Variants in S100A13 observed in about 807,000 individuals in gnomAD.
S100A13 encodes S100 calcium binding protein A13.
In S100A13, 6 loss-of-function variants were observed where a neutral mutation model predicts 8.2. That is an observed-to-expected ratio of 0.73 (90% CI 0.40 to 1.44). The LOEUF (loss-of-function observed/expected upper bound fraction) is 1.44, where lower values mean the gene tolerates loss of function less well. Among genes scored for constraint, S100A13 ranks in the 40% most tolerant of loss-of-function variants. The pLI is 0.02. For missense variants in S100A13, 114 were observed against 113.6 expected, an observed-to-expected ratio of 1.00 and a Z score of -0.02; for synonymous variants, 39 against 45.9, an observed-to-expected ratio of 0.85 and a Z score of 0.61.
chr1:153,631,791 G>A (rs1159049303), upstream of S100A13: 2 of 1,614,168 alleles, frequency 1.2e-6, no homozygotes, highest in Non-Finnish European at 1.7e-6. Context: ...TGTGGTGCTT[G>A]TGGCTGCTCT....
At chr1:153,631,548 A>C, upstream of S100A13, 2 of 1,613,928 alleles carry the variant, frequency 1.2e-6, no homozygotes, top group African/African-American at 1.3e-5. Context: ...AGAAGCCCTC[A>C]AGACCTTTGA....
At chr1:153,633,450 G>A (rs1381706671), upstream of S100A13, among the ~76,000 whole-genome samples, 3 of 148,002 alleles carry the variant, frequency 2.0e-5, no homozygotes, top group Non-Finnish European at 4.5e-5. Context: ...ACATGGAAAC[G>A]CAATCGAGGA....
chr1:153,631,924 A>T, upstream of S100A13: 2 of 1,534,274 alleles, frequency 1.3e-6, no homozygotes. Flanking sequence ...CACCCCACTT[A>T]TCCCTCTCCA....
At chr1:153,633,368 CAG>C (rs1177515230), upstream of S100A13, among the ~76,000 whole-genome samples, 2 of 151,948 alleles carry the variant, frequency 1.3e-5, no homozygotes, top group Non-Finnish European at 2.9e-5. Context: ...AACAACAAAT[CAG>C]AGAGAGAAAA....
At chr1:153,620,457 TAAAAAAAAAAA>T (rs753773428) in intron 2 of S100A13, among the ~76,000 whole-genome samples, 1 of 88,020 alleles carries the variant, frequency 1.1e-5, no homozygotes, top group African/African-American at 4.2e-5. Context: ...TGAGACTATC[TAAAAAAAAAAA>T]AAAAAAGAGC....
At chr1:153,631,150 G>A (rs763043578), upstream of S100A13, 21 of 333,714 alleles carry the variant, frequency 6.3e-5, no homozygotes, top group Non-Finnish European at 9.3e-5. Context: ...AGAATGTGGA[G>A]CATGTCAGTA....
At chr1:153,627,816 G>T (rs1196828524), upstream of S100A13, 13 of 536,256 alleles carry the variant, frequency 2.4e-5, no homozygotes, top group African/African-American at 3.8e-5. Context: ...GCTGAGGGGG[G>T]AAGAGGGAGG....
At chr1:153,626,286 T>C (rs765128991) in intron 2 of S100A13, 34 bp downstream of exon 2, 7 of 1,602,540 alleles carry the variant, frequency 4.4e-6, no homozygotes, top group East Asian at 2.2e-5. Context: ...ATAATCATCA[T>C]CTCACAAAAT....
chr1:153,623,305 C>T lies in S100A13; in HGVS notation c.153+3015G>A, dbSNP rs541921135. 8.6e-5 allele frequency among the ~76,000 whole-genome samples: 13 copies of T among 151,504 alleles called. No individual in the cohort carries two copies. In the South Asian group the frequency reaches 1.3e-3, roughly 15 times the overall value. On this transcript the variant is annotated intron_variant, in intron 2 of 2. Coordinates refer to ENST00000476133, the MANE Select transcript of S100A13 (RefSeq NM_001024211.2). ...GAAGGGTTGGCCTTAGGGGCAGTGA[C>T]GTATCATTTGCATAACAGAAGACTG...
upstream of S100A13, chr1:153,631,096 T>C (rs1667985601): frequency 3.4e-6 from 1 of 297,110 alleles, no homozygotes. Context: ...AATGCAGACA[T>C]TTTAGGAGGA....
intron 2 of S100A13, among the ~76,000 whole-genome samples, chr1:153,625,869 A>T (rs985026831): frequency 6.6e-6 from 1 of 152,246 alleles, no homozygotes. Context: ...CACACCAGGC[A>T]AGAAAACTCA....
upstream of S100A13, chr1:153,631,274 A>T: frequency 1.6e-6 from 1 of 619,238 alleles, no homozygotes; most frequent in Non-Finnish European, 2.8e-6. Flanking sequence ...TTGAGGTTTT[A>T]TTGGACTGGG....
chr1:153,626,056 T>C (rs1463951540), intron 2 of S100A13, among the ~76,000 whole-genome samples: 4 of 152,138 alleles, frequency 2.6e-5, no homozygotes, highest in Non-Finnish European at 5.9e-5. Context: ...TAATCCCAGC[T>C]ACTCAGGAGG....
At chr1:153,632,162 T>G (rs1668051672), upstream of S100A13, 1 of 253,500 alleles carries the variant, frequency 3.9e-6, no homozygotes, top group Non-Finnish European at 7.6e-6. Flanking sequence ...TACATCTTCC[T>G]ACTTGAGGAA....
upstream of S100A13, chr1:153,631,022 C>T (rs1166730138): frequency 1.6e-5 from 5 of 319,896 alleles, no homozygotes; most frequent in Non-Finnish European, 2.9e-5. Context: ...TGATTGAAGT[C>T]AGATGGCTTT....
At chr1:153,630,611 CAAG>C (rs1314675179), upstream of S100A13, 5 of 1,614,254 alleles carry the variant, frequency 3.1e-6, no homozygotes, top group Non-Finnish European at 3.4e-6. Context: ...ACAAGCTGAG[CAAG>C]AAGGAGCTGA....
upstream of S100A13, chr1:153,630,419 A>G: frequency 6.8e-7 from 1 of 1,475,962 alleles, no homozygotes; most frequent in South Asian, 1.4e-5. Context: ...TTGAGCTGTC[A>G]GCCAGGGCCA....
At chr1:153,632,523 G>A (rs562044133), upstream of S100A13, among the ~76,000 whole-genome samples, 4 of 151,858 alleles carry the variant, frequency 2.6e-5, no homozygotes, top group Non-Finnish European at 5.9e-5. Context: ...CCCCCGCCTC[G>A]GCCTCCCAAA....
At chr1:153,626,073 C>T (rs1171383391) in intron 2 of S100A13, among the ~76,000 whole-genome samples, 2 of 152,184 alleles carry the variant, frequency 1.3e-5, no homozygotes, top group Non-Finnish European at 2.9e-5. Context: ...GAGGCTGAGG[C>T]AGGAGAATCA....
Sources: gnomAD v4.1 joint callset for allele counts (sites outside exome capture counted in the v4.1 genomes callset) on GRCh38, gnomAD v4.1.1 for gene constraint, MANE v1.5 for transcripts, NCBI Gene and HGNC (gene_info 2026-07-23, HGNC 2026-07-21) for gene names.